The following MRNIP variants were observed in gnomAD, a reference collection of about 807,000 sequenced individuals.
The protein encoded by MRNIP is MRN complex-interacting protein.
In MRNIP, 30 loss-of-function variants were observed where a neutral mutation model predicts 29.8. The ratio of observed to expected loss-of-function variants is 1.01; its 90% CI spans 0.75 to 1.36. The LOEUF is 1.36. Among genes scored for constraint, MRNIP ranks in the 40% most tolerant of loss-of-function variants. The pLI, the probability that MRNIP is intolerant of heterozygous loss-of-function variation, is 0.00. For missense variants in MRNIP, 459 were observed against 423.5 expected, an observed-to-expected ratio of 1.08 and a Z score of -0.74; for synonymous variants, 201 against 164.1, an observed-to-expected ratio of 1.23 and a Z score of -1.72.
intron 5 of MRNIP, 167 bp downstream of exon 5, chr5:179,841,740 T>G: frequency 2.8e-6 from 2 of 702,562 alleles, no homozygotes; most frequent in Non-Finnish European, 4.8e-6. Flanking sequence ...AATGCCCAGG[T>G]GGGCTGTGGG....
chr5:179,841,893 G>A lies in MRNIP; in HGVS notation c.449+14C>T, dbSNP rs773940633. The stretch of plus-strand genomic sequence containing the variant: ...GGCCCTGGGCCAGGGCTGGAACGGA[G>A]ACGCACTTGGTACCTTTTTCTAGGC... On this transcript the variant is annotated intron_variant, in intron 5 of 6. Transcript: ENST00000292586. 6 of 1,612,666 alleles carry A rather than the reference G, an allele frequency of 3.7e-6. No homozygotes were observed. Among genetic ancestry groups the A allele is most frequent in the Non-Finnish European group, 1.7e-6 (2 of 1,179,766 alleles).
chr5:179,841,686 C>T (rs981416928), intron 5 of MRNIP: 2 of 595,374 alleles, frequency 3.4e-6, no homozygotes, highest in Non-Finnish European at 3.0e-6. Flanking sequence ...AGGGTGTGCA[C>T]ACGGGTGTCC....
intron 4 of MRNIP, among the ~76,000 whole-genome samples, chr5:179,842,901 T>C (rs1437616747): frequency 4.6e-5 from 7 of 150,880 alleles, no homozygotes; most frequent in Non-Finnish European, 5.9e-5. Flanking sequence ...GGCGTGGTGG[T>C]GCGTGCCTGT....
rs770573788 is a variant in MRNIP at position 179,858,766 on chromosome 5, G to T, written c.31C>A (p.Arg11Ser). The T allele has an allele frequency of 2.6e-6, 4 of 1,538,190 alleles. No homozygotes were observed. Among genetic ancestry groups the T allele is most frequent in the African/African-American group, 2.7e-5 (2 of 72,732 alleles). Residue 11 changes from arginine to serine, a missense_variant, in exon 1 of 7, where the codon CGC (arginine) becomes AGC (serine). By Grantham distance (110) the Arg-to-Ser change is moderately radical. Coordinates refer to ENST00000292586, the MANE Select transcript of MRNIP (RefSeq NM_016175.4). ...TGGAAGAGGCGGCAGCTGCAGCAGCGTAGCACCCGAGAACGCTGAAGCGAC... is the reference window on the plus strand; with the variant it reads ...TGGAAGAGGCGGCAGCTGCAGCAGCTTAGCACCCGAGAACGCTGAAGCGAC... MASLQRSRVL[R>S]CCSCRLFQAH...
At chr5:179,838,311 C>A (rs527376537) in intron 6 of MRNIP, 17 of 227,776 alleles carry the variant, frequency 7.5e-5, no homozygotes, top group Admixed American at 4.6e-4. Flanking sequence ...GTGGCAGCAC[C>A]GAGCTCCCTG....
intron 4 of MRNIP, among the ~76,000 whole-genome samples, chr5:179,842,387 A>C (rs991926949): frequency 1.3e-5 from 2 of 152,066 alleles, no homozygotes; most frequent in Non-Finnish European, 2.9e-5. Flanking sequence ...TTTCATTTAT[A>C]AGAACAGAAG....
At chr5:179,851,387 A>G (rs1280208121) in intron 2 of MRNIP, 3 of 455,976 alleles carry the variant, frequency 6.6e-6, no homozygotes, top group African/African-American at 2.0e-5. Flanking sequence ...TTGGAATGAG[A>G]TTCTATGGAC....
Position 179,837,761 on chromosome 5 carries a change from TGCTGGATGGGACTC to T in MRNIP, c.648_661del (p.Trp216Ter). 1.2e-6 allele frequency: 2 copies of T among 1,614,250 alleles called. No homozygotes were observed. Among genetic ancestry groups the T allele is most frequent in the Non-Finnish European group, 1.7e-6 (2 of 1,180,052 alleles). ...CCATTTAGAGGATGTGGCTGTAACCTGCTGGATGGGACTCCATAGCTCCTTCCCAGGACCCCTCA... is the reference window on the plus strand; with the variant it reads ...CCATTTAGAGGATGTGGCTGTAACCTCATAGCTCCTTCCCAGGACCCCTCA... On this transcript the variant is annotated stop_gained and frameshift_variant, in exon 7 of 7. Coordinates refer to ENST00000292586, the MANE Select transcript of MRNIP (RefSeq NM_016175.4). LOFTEE classifies it low-confidence loss of function (END_TRUNC).
rs114362822 is a variant in MRNIP, at chr5:179,850,276, C to T, written c.127-2210G>A. Among the ~76,000 whole-genome samples, 1,053 of 152,370 alleles carry T rather than the reference C, an allele frequency of 6.9e-3. 4 individuals carry two copies. The highest frequency in any genetic ancestry group is 0.012 in the Non-Finnish European group (817 of 68,036). On this transcript the variant is annotated intron_variant, in intron 2 of 6. Coordinates refer to ENST00000292586, the MANE Select transcript of MRNIP (RefSeq NM_016175.4). ...ATGGAATTTGAGAGCATGCGTCCTGCTATGGCACAGGCAGAATCAGCTTCA... is the reference window on the plus strand; with the variant it reads ...ATGGAATTTGAGAGCATGCGTCCTGTTATGGCACAGGCAGAATCAGCTTCA...
chr5:179,855,287 G>A (rs1314277745), intron 1 of MRNIP, among the ~76,000 whole-genome samples: 3 of 152,070 alleles, frequency 2.0e-5, no homozygotes, highest in African/African-American at 7.2e-5. Context: ...TGGGATTACA[G>A]GCACGTGCCA....
At chr5:179,851,432 G>A (rs1043201774) in intron 2 of MRNIP, 3 of 455,928 alleles carry the variant, frequency 6.6e-6, no homozygotes, top group Non-Finnish European at 1.3e-5. Context: ...AGTCTGGGGA[G>A]AAACAGAAAG....
rs1759562475 is a variant in MRNIP, at chr5:179,855,987, C to T, written c.67-2550G>A. Among the ~76,000 whole-genome samples the T allele has an allele frequency of 2.7e-5, 4 of 148,462 alleles. No homozygotes were observed. In the South Asian group the frequency reaches 6.3e-4, roughly 23 times the overall value. ...ACTGTGGCGTGATCTCGGCTCACTG[C>T]AACCTCTGCCTCCTGGATTCAAGTG... is the stretch of plus-strand genomic sequence containing the variant. On this transcript the variant is annotated intron_variant, in intron 1 of 6. Transcript: ENST00000292586.
intron 1 of MRNIP, among the ~76,000 whole-genome samples, chr5:179,858,521 G>A (rs1247400852): frequency 6.6e-6 from 1 of 152,234 alleles, no homozygotes; most frequent in Non-Finnish European, 1.5e-5. Context: ...CACCTCCGCA[G>A]AACCATTACC....
At position 179,858,764 on chromosome 5, in the gene MRNIP, G is replaced by A; in HGVS notation, c.33C>T (p.Arg11=). The A allele has an allele frequency of 1.3e-6, 2 of 1,538,538 alleles. No homozygotes were observed. The highest frequency in any genetic ancestry group is 1.8e-6 in the Non-Finnish European group (2 of 1,142,730). Residue 11 remains arginine (R), a synonymous_variant, in exon 1 of 7, where the codon CGC becomes CGT. Transcript: ENST00000292586. ...CCTGGAAGAGGCGGCAGCTGCAGCAGCGTAGCACCCGAGAACGCTGAAGCG... is the reference window on the plus strand; with the variant it reads ...CCTGGAAGAGGCGGCAGCTGCAGCAACGTAGCACCCGAGAACGCTGAAGCG... MASLQRSRVL[R]CCSCRLFQAH...
intron 6 of MRNIP, chr5:179,838,963 A>C (rs1344347121): frequency 3.4e-5 from 5 of 149,070 alleles, no homozygotes; most frequent in Non-Finnish European, 5.9e-5. Flanking sequence ...CATCTCAAAA[A>C]CAAAAGGCTG....
chr5:179,853,625 AGCCAG>A (rs1409071562), intron 1 of MRNIP, among the ~76,000 whole-genome samples, 188 bp from the exon 2 acceptor site: 2 of 152,010 alleles, frequency 1.3e-5, no homozygotes, highest in Non-Finnish European at 2.9e-5. Context: ...TACAAAAATT[AGCCAG>A]GCATGGTGGC....
intron 3 of MRNIP, among the ~76,000 whole-genome samples, chr5:179,844,637 G>A (rs1451360775): frequency 1.1e-4 from 17 of 151,940 alleles, no homozygotes; most frequent in Admixed American, 1.0e-3. Context: ...TCTTGCCCAG[G>A]CTAGTCTCAA....
At chr5:179,843,366 T>C (rs930210819) in intron 4 of MRNIP, among the ~76,000 whole-genome samples, 3 of 152,074 alleles carry the variant, frequency 2.0e-5, no homozygotes, top group Admixed American at 6.5e-5. Flanking sequence ...ATGAGAATGA[T>C]ATAAAATTAA....
In MRNIP at chr5:179,837,337, G is replaced by A; in HGVS notation, c.*54C>T. 1.9e-6 allele frequency: 3 copies of A among 1,586,026 alleles called. No homozygotes were observed. Among genetic ancestry groups the A allele is most frequent in the Non-Finnish European group, 2.6e-6 (3 of 1,165,978 alleles). ...GAGTATCTTTAAAAGTGCCTTAGGG[G>A]AACCCTGTCCCTCCTAACAAGTGTA... On this transcript the variant is annotated 3_prime_UTR_variant, in exon 7 of 7. Coordinates refer to ENST00000292586, the MANE Select transcript of MRNIP (RefSeq NM_016175.4).
Sources: gnomAD v4.1 joint callset for allele counts (sites outside exome capture counted in the v4.1 genomes callset) on GRCh38, gnomAD v4.1.1 for gene constraint, MANE v1.5 for transcripts, NCBI Gene and HGNC (gene_info 2026-07-23, HGNC 2026-07-21) for gene names.